Variants in ITM2B observed in about 807,000 individuals in gnomAD.
ITM2B encodes integral membrane protein 2B, also known as ABri/ADan amyloid peptide.
In ITM2B, 11 loss-of-function variants were observed where a neutral mutation model predicts 27.8. That is an observed-to-expected ratio of 0.40 (90% CI 0.25 to 0.66). The LOEUF is 0.66. Ranked by LOEUF, ITM2B falls within the 30% of genes least tolerant of loss-of-function variation. ITM2B has a pLI of 0.43. For missense variants in ITM2B, 296 were observed against 328.9 expected, an observed-to-expected ratio of 0.90 and a Z score of 0.77; for synonymous variants, 114 against 114.3, an observed-to-expected ratio of 1.00 and a Z score of 0.02.
chr13:48,256,111 A>C, intron 2 of ITM2B, 66 bp from the exon 3 acceptor site: 1 of 1,166,906 alleles, frequency 8.6e-7, no homozygotes, highest in Non-Finnish European at 1.3e-6. Flanking sequence ...TGGCAGCTTA[A>C]GTAATGCTTA....
At chr13:48,258,692 G>T in intron 4 of ITM2B, 105 bp from the exon 5 acceptor site, 1 of 1,047,674 alleles carries the variant, frequency 9.5e-7, no homozygotes. Flanking sequence ...TAGTAGTTTG[G>T]CAACCTGTTC....
In ITM2B at chr13:48,266,121, C is replaced by G. The variant is rs1286770731; in HGVS notation, c.*4897C>G. ...CTGACTTTCTCCTCAGATCTCATCC[C>G]CATGGGTCTGAGTGAGTTGCCTTGA... On this transcript the variant is annotated 3_prime_UTR_variant, in exon 6 of 6. Coordinates refer to ENST00000647800, the MANE Select transcript of ITM2B (RefSeq NM_021999.5). 1 of 152,116 alleles carries G rather than the reference C, an allele frequency of 6.6e-6. No homozygotes were observed. The highest frequency in any genetic ancestry group is 1.5e-5 in the Non-Finnish European group (1 of 68,046). The allele number at this position is 152,116 out of a possible 1,614,324, so 9.4% of individuals were successfully genotyped here.
intron 2 of ITM2B, among the ~76,000 whole-genome samples, chr13:48,254,676 T>C (rs754432378): frequency 3.3e-5 from 5 of 152,164 alleles, no homozygotes; most frequent in Non-Finnish European, 7.4e-5. Context: ...ACTAGACTTA[T>C]TAAAATAATT....
chr13:48,262,936 C>T lies in ITM2B; in HGVS notation c.*1712C>T, dbSNP rs137928444. 4 of 152,120 alleles carry T rather than the reference C, an allele frequency of 2.6e-5. No individual in the cohort carries two copies. The highest frequency in any genetic ancestry group is 9.7e-5 in the African/African-American group (4 of 41,410). 9.4% of individuals were successfully genotyped at this position (152,120 alleles called of 1,614,324 possible). ...ACCATGGGCCACTATTGAAGTTTTG[C>T]ATTTTGGAAGGAGCTTATTAGTTTG... On this transcript the variant is annotated 3_prime_UTR_variant, in exon 6 of 6. Transcript: ENST00000647800.
chr13:48,234,972 A>G (rs1566156942), intron 1 of ITM2B, among the ~76,000 whole-genome samples: 1 of 152,144 alleles, frequency 6.6e-6, no homozygotes, highest in Non-Finnish European at 1.5e-5. Flanking sequence ...TCAAGTATCC[A>G]GTCACAACAG....
At chr13:48,249,177 C>T (rs1417797987) in intron 1 of ITM2B, among the ~76,000 whole-genome samples, 1 of 152,192 alleles carries the variant, frequency 6.6e-6, no homozygotes, top group African/African-American at 2.4e-5. Context: ...TCCCCTTCCC[C>T]AGCCAGTAAG....
At chr13:48,240,677 A>G (rs1951694814) in intron 1 of ITM2B, among the ~76,000 whole-genome samples, 1 of 152,324 alleles carries the variant, frequency 6.6e-6, no homozygotes, top group African/African-American at 2.4e-5. Flanking sequence ...TCATTACATA[A>G]TAGGTGTTAA....
chr13:48,242,587 AC>A (rs888048701), intron 1 of ITM2B, among the ~76,000 whole-genome samples: 1 of 151,014 alleles, frequency 6.6e-6, no homozygotes, highest in Non-Finnish European at 1.5e-5. Context: ...AAAAAATCTT[AC>A]GTGTCTCAGA....
At chr13:48,250,490 C>T (rs184940084) in intron 1 of ITM2B, among the ~76,000 whole-genome samples, 2,363 of 151,894 alleles carry the variant, frequency 0.016, 36 homozygotes, top group Middle Eastern at 0.031. Context: ...TGGTGGCGGG[C>T]GCCTGTAGTC....
intron 3 of ITM2B, 87 bp downstream of exon 3, chr13:48,256,470 A>G (rs1014765709): frequency 7.6e-6 from 8 of 1,057,602 alleles, no homozygotes; most frequent in Middle Eastern, 4.0e-4. Context: ...TTGCTAATTT[A>G]TTATATTTAG....
rs1011846192 is a variant in ITM2B at position 48,262,602 on chromosome 13, G to C, written c.*1378G>C. On this transcript the variant is annotated 3_prime_UTR_variant, in exon 6 of 6. Transcript: ENST00000647800. The stretch of plus-strand genomic sequence containing the variant: ...AAATTACATGAATTTTCAGGGAGCT[G>C]TGAACATTTAGGAGCACATTATTCA... The C allele has an allele frequency of 5.3e-5, 8 of 152,098 alleles. No homozygotes were observed. The highest frequency in any genetic ancestry group is 2.6e-4 in the Admixed American group (4 of 15,252). The allele number at this position is 152,098 out of a possible 1,614,324, so 9.4% of individuals were successfully genotyped here. A position where few individuals can be genotyped will look rare whatever the true frequency, so the allele number is the denominator to read the frequency against.
At chr13:48,243,678 G>C (rs754957515) in intron 1 of ITM2B, among the ~76,000 whole-genome samples, 3 of 152,060 alleles carry the variant, frequency 2.0e-5, no homozygotes, top group Non-Finnish European at 4.4e-5. Flanking sequence ...TTAGCCATGT[G>C]TGGTGGTGCA....
intron 1 of ITM2B, among the ~76,000 whole-genome samples, chr13:48,237,787 C>A (rs1951677175): frequency 6.6e-6 from 1 of 152,090 alleles, no homozygotes; most frequent in African/African-American, 2.4e-5. Context: ...TCTGGCGTGT[C>A]TATTCAAAAC....
rs1333324403 is a variant in ITM2B, at chr13:48,261,151, G to A, written c.728G>A (p.Arg243His). ...CCCTCTCCAACAGGTATTCAGAAAC[G>A]TGAAGCCAGCAATTGTTTCGCAATT... ...RRETIKGIQK[R>H]EASNCFAIRH... Residue 243 changes from arginine (R) to histidine (H), a missense_variant, in exon 6 of 6, where the codon CGT becomes CAT. By Grantham distance (29) the Arg-to-His change is conservative. Coordinates refer to ENST00000647800, the MANE Select transcript of ITM2B (RefSeq NM_021999.5). The A allele has an allele frequency of 2.5e-6, 4 of 1,611,660 alleles. 1 individual carries two copies. Among genetic ancestry groups the A allele is most frequent in the Non-Finnish European group, 3.4e-6 (4 of 1,178,570 alleles).
At chr13:48,259,059 T>C (rs954579063) in intron 5 of ITM2B, 112 bp downstream of exon 5, 19 of 709,264 alleles carry the variant, frequency 2.7e-5, no homozygotes, top group Admixed American at 1.7e-4. Context: ...TGAGGTAATA[T>C]TGTGTCGTTA....
chr13:48,267,086 A>G lies in ITM2B; in HGVS notation c.*5862A>G, dbSNP rs916471555. On this transcript the variant is annotated 3_prime_UTR_variant, in exon 6 of 6. Transcript: ENST00000647800. Reference sequence around the variant, plus strand: ...GCCAGGCAGGATGCTAAATGTCTTAAAAGTCCGGGAGTCCTGCACAAAAAA... The same window carrying G: ...GCCAGGCAGGATGCTAAATGTCTTAGAAGTCCGGGAGTCCTGCACAAAAAA... 2 of 152,192 alleles carry G rather than the reference A, an allele frequency of 1.3e-5. No homozygotes were observed. The highest frequency in any genetic ancestry group is 2.9e-5 in the Non-Finnish European group (2 of 68,030). The allele number at this position is 152,192 out of a possible 1,614,324, so 9.4% of individuals were successfully genotyped here.
chr13:48,250,958 G>A (rs896268812), intron 1 of ITM2B, among the ~76,000 whole-genome samples: 3 of 152,206 alleles, frequency 2.0e-5, no homozygotes, highest in Non-Finnish European at 2.9e-5. Context: ...CACGTTTCAC[G>A]TTGTTGAGGT....
At chr13:48,253,964 T>C (rs768495920) in intron 2 of ITM2B, 28 bp downstream of exon 2, 3 of 1,600,590 alleles carry the variant, frequency 1.9e-6, no homozygotes, top group South Asian at 1.1e-5. Context: ...TTTGTGTCTC[T>C]GATTTTTTTT....
chr13:48,261,440 GA>G lies in ITM2B; in HGVS notation c.*218del, dbSNP rs1237930522. On this transcript the variant is annotated 3_prime_UTR_variant, in exon 6 of 6. Transcript: ENST00000647800. ...TTTATATTTGAATTAGTAACTGTAT[GA>G]AGTCATAGATAATAGTACATGTCAC... 6 of 475,912 alleles carry G rather than the reference GA, an allele frequency of 1.3e-5. No individual in the cohort carries two copies. Among genetic ancestry groups the G allele is most frequent in the African/African-American group, 3.9e-5 (2 of 50,640 alleles). The allele number at this position is 475,912 out of a possible 1,614,324, so 29.5% of individuals were successfully genotyped here. A position where few individuals can be genotyped will look rare whatever the true frequency, so the allele number is the denominator to read the frequency against.
Sources: allele counts gnomAD v4.1 joint callset (sites outside exome capture counted in the v4.1 genomes callset), GRCh38; gene constraint gnomAD v4.1.1; transcripts MANE v1.5; gene names NCBI Gene and HGNC (gene_info 2026-07-23, HGNC 2026-07-21).